KDM4C: variants seen among roughly 807,000 people sequenced by gnomAD.
KDM4C encodes lysine-specific demethylase 4C.
In KDM4C, 81 loss-of-function variants were observed where a neutral mutation model predicts 129.3. That is an observed-to-expected ratio of 0.63 (90% CI 0.52 to 0.75). The LOEUF is 0.75. KDM4C is among the 30% of genes least tolerant of loss of function. The pLI is 0.00. For synonymous variants in KDM4C, 573 were observed against 456.1 expected, an observed-to-expected ratio of 1.26 and a Z score of -3.26; for missense variants, 1,457 against 1,304.0, an observed-to-expected ratio of 1.12 and a Z score of -1.81.
chr9:6,987,111 T>C (rs818904), intron 11 of KDM4C, among the ~76,000 whole-genome samples: 152,272 of 152,282 alleles, frequency 1, 76,131 homozygotes, highest in Non-Finnish European at 1. Flanking sequence ...GAAGAATTCA[T>C]CTGCTGGGCA....
intron 19 of KDM4C, among the ~76,000 whole-genome samples, chr9:7,164,686 C>G (rs1456022859): frequency 6.6e-6 from 1 of 152,174 alleles, no homozygotes; most frequent in Non-Finnish European, 1.5e-5. Flanking sequence ...CCATTTGTCC[C>G]CTGCTCCACT....
chr9:6,852,649 C>A (rs1839069036), intron 5 of KDM4C, among the ~76,000 whole-genome samples: 1 of 152,168 alleles, frequency 6.6e-6, no homozygotes, highest in Non-Finnish European at 1.5e-5. Context: ...TGGGTGGCCT[C>A]TCCTGTGCTT....
At chr9:7,155,017 A>T (rs1843024229) in intron 19 of KDM4C, among the ~76,000 whole-genome samples, 1 of 152,248 alleles carries the variant, frequency 6.6e-6, no homozygotes, top group Non-Finnish European at 1.5e-5. Context: ...CTCCAGTAAC[A>T]TACTAAGTAA....
chr9:6,924,499 T>A (rs935934805), intron 8 of KDM4C, among the ~76,000 whole-genome samples: 2 of 152,182 alleles, frequency 1.3e-5, no homozygotes, highest in Non-Finnish European at 1.5e-5. Flanking sequence ...TGTCCTTAGT[T>A]TGGGGAATTA....
intron 1 of KDM4C, among the ~76,000 whole-genome samples, chr9:6,748,519 A>G (rs528802492): frequency 6.6e-6 from 1 of 152,014 alleles, no homozygotes; most frequent in East Asian, 1.9e-4. Flanking sequence ...GAAAAAAAAA[A>G]AAAAAGATTT....
chr9:7,113,819 T>C (rs1406972894), intron 18 of KDM4C, among the ~76,000 whole-genome samples: 1 of 152,180 alleles, frequency 6.6e-6, no homozygotes, highest in African/African-American at 2.4e-5. Flanking sequence ...GAATTCTGGA[T>C]TCATGAAGGC....
intron 12 of KDM4C, among the ~76,000 whole-genome samples, chr9:7,002,053 T>C (rs818886): frequency 0.74 from 112,610 of 152,106 alleles, 42,174 homozygotes; most frequent in African/African-American, 0.77. Flanking sequence ...CCACCACACC[T>C]GGCTAGTTTT....
At chr9:6,749,098 C>A (rs770561651) in intron 1 of KDM4C, 117 of 446,352 alleles carry the variant, frequency 2.6e-4, no homozygotes, top group Non-Finnish European at 4.1e-4. Flanking sequence ...CGCCTTCCTG[C>A]AACCTCTGCC....
At chr9:6,830,499 G>A (rs919014586) in intron 4 of KDM4C, among the ~76,000 whole-genome samples, 5 of 152,160 alleles carry the variant, frequency 3.3e-5, no homozygotes, top group Admixed American at 3.3e-4. Context: ...CTAAATATAT[G>A]CTAGTTACAA....
Position 7,013,911 on chromosome 9 carries a change from A to G in KDM4C, c.2092A>G (p.Ile698Val), listed in dbSNP as rs1823165324. 6.2e-7 allele frequency: 1 copy of G among 1,613,994 alleles called. No homozygotes were observed. The highest frequency in any genetic ancestry group is 8.5e-7 in the Non-Finnish European group (1 of 1,179,860). The change falls in exon 14 of 22, where the codon ATA becomes GTA. Residue 698 changes from isoleucine to valine, a missense_variant. Coordinates refer to ENST00000381309, the MANE Select transcript of KDM4C (RefSeq NM_015061.6). ...EMCFIYSEENIEYSPPNAFLE... is the reference protein window; with the variant it reads ...EMCFIYSEENVEYSPPNAFLE... The stretch of plus-strand genomic sequence containing the variant: ...GTGTTTTATTTATAGTGAAGAAAAT[A>G]TAGAATATTCTCCACCCAATGCCTT...
chr9:6,895,574 C>T (rs946688707), intron 8 of KDM4C, among the ~76,000 whole-genome samples: 4 of 152,100 alleles, frequency 2.6e-5, no homozygotes, highest in East Asian at 1.9e-4. Flanking sequence ...CTGCCTACTA[C>T]TACAGGGGGT....
chr9:6,939,976 ACCTT>A (rs1186438155), intron 8 of KDM4C, among the ~76,000 whole-genome samples: 3,281 of 93,336 alleles, frequency 0.035, 90 homozygotes, highest in East Asian at 0.085. Context: ...CTACCTACCT[ACCTT>A]CCTTCCTTCC....
At chr9:6,821,312 G>C (rs1832991531) in intron 4 of KDM4C, among the ~76,000 whole-genome samples, 1 of 152,144 alleles carries the variant, frequency 6.6e-6, no homozygotes, top group African/African-American at 2.4e-5. Context: ...TTCCACAGTG[G>C]TTGAACTAAT....
chr9:6,809,105 C>T (rs562499070), intron 3 of KDM4C, among the ~76,000 whole-genome samples: 5 of 152,266 alleles, frequency 3.3e-5, no homozygotes, highest in African/African-American at 1.2e-4. Flanking sequence ...CTTATTTCTG[C>T]ATGTTAAATT....
At chr9:6,964,739 G>A (rs1483151724) in intron 8 of KDM4C, among the ~76,000 whole-genome samples, 7 of 133,718 alleles carry the variant, frequency 5.2e-5, no homozygotes, top group South Asian at 2.5e-4. Flanking sequence ...CCGAGATCAC[G>A]CCACTGCACT....
At chr9:7,058,446 C>T (rs560096209) in intron 17 of KDM4C, among the ~76,000 whole-genome samples, 1 of 152,294 alleles carries the variant, frequency 6.6e-6, no homozygotes, top group Non-Finnish European at 1.5e-5. Flanking sequence ...CTCACCGTGT[C>T]CAGTTTCAAA....
chr9:7,078,205 G>C (rs1055779919), intron 17 of KDM4C, among the ~76,000 whole-genome samples: 1 of 152,120 alleles, frequency 6.6e-6, no homozygotes, highest in Admixed American at 6.5e-5. Context: ...TATACATGCT[G>C]TGGTGTAATT....
intron 8 of KDM4C, among the ~76,000 whole-genome samples, chr9:6,968,097 T>G (rs1454691796): frequency 6.6e-6 from 1 of 152,186 alleles, no homozygotes; most frequent in Non-Finnish European, 1.5e-5. Context: ...TTTTTAAAAA[T>G]TATGATCTAT....
intron 12 of KDM4C, among the ~76,000 whole-genome samples, chr9:6,997,424 C>G (rs1194930157): frequency 6.6e-6 from 1 of 152,196 alleles, no homozygotes; most frequent in Non-Finnish European, 1.5e-5. Context: ...GCTTGCTTGC[C>G]TGAAACTTAG....
Sources: allele counts gnomAD v4.1 joint callset (sites outside exome capture counted in the v4.1 genomes callset), GRCh38; gene constraint gnomAD v4.1.1; transcripts MANE v1.5; gene names NCBI Gene and HGNC (gene_info 2026-07-23, HGNC 2026-07-21).